DENND1B: variants seen among roughly 807,000 people sequenced by gnomAD.
DENND1B encodes DENN domain-containing protein 1B.
A neutral mutation model predicts 90.1 loss-of-function variants in DENND1B; 59 were observed. The observed-to-expected ratio is 0.65, with a 90% CI of 0.53 to 0.81. The LOEUF (loss-of-function observed/expected upper bound fraction) is 0.81, where lower values mean the gene tolerates loss of function less well. DENND1B is among the 40% of genes least tolerant of loss of function. The pLI is 0.00. For missense variants in DENND1B, 862 were observed against 912.6 expected (o/e 0.94, Z 0.71); for synonymous variants, 337 against 324.6 (o/e 1.04, Z -0.41).
chr1:197,559,797 A>G (rs1672014608), intron 15 of DENND1B, among the ~76,000 whole-genome samples: 2 of 151,962 alleles, frequency 1.3e-5, no homozygotes, highest in South Asian at 4.1e-4. Context: ...ACTACACTGA[A>G]GTGTTACAAT....
chr1:197,634,527 A>C (rs760658947), intron 10 of DENND1B, among the ~76,000 whole-genome samples: 5 of 152,244 alleles, frequency 3.3e-5, no homozygotes, highest in African/African-American at 4.8e-5. Context: ...TATAGGCTGA[A>C]CAAGAGTCAT....
At chr1:197,607,448 G>C (rs1278935606) in intron 12 of DENND1B, among the ~76,000 whole-genome samples, 1 of 150,754 alleles carries the variant, frequency 6.6e-6, no homozygotes, top group African/African-American at 2.4e-5. Context: ...AATAGGCACA[G>C]TTATATCAAA....
chr1:197,648,978 C>G (rs1292865348), intron 7 of DENND1B, among the ~76,000 whole-genome samples: 1 of 152,168 alleles, frequency 6.6e-6, no homozygotes, highest in Non-Finnish European at 1.5e-5. Flanking sequence ...TCCACTTTGA[C>G]AGTGTGCAAC....
At chr1:197,625,022 A>C (rs1254074121) in intron 10 of DENND1B, among the ~76,000 whole-genome samples, 1 of 152,054 alleles carries the variant, frequency 6.6e-6, no homozygotes, top group Non-Finnish European at 1.5e-5. Context: ...CTATGTGAAA[A>C]GACCAAATCT....
intron 15 of DENND1B, among the ~76,000 whole-genome samples, chr1:197,568,781 GC>G (rs1231513194): frequency 6.6e-6 from 1 of 151,930 alleles, no homozygotes; most frequent in Non-Finnish European, 1.5e-5. Flanking sequence ...ATAAAATAGG[GC>G]ACTTATCTCA....
intron 15 of DENND1B, among the ~76,000 whole-genome samples, chr1:197,572,029 C>T (rs1168319225): frequency 2.6e-5 from 4 of 152,056 alleles, no homozygotes; most frequent in African/African-American, 4.8e-5. Context: ...TCTGCATTTC[C>T]GATTGAGGTA....
In DENND1B at chr1:197,534,690, G is replaced by T. The variant is rs946582806; in HGVS notation, c.1515+5274C>A. The stretch of plus-strand genomic sequence containing the variant: ...CAGTTTAATCTTTTTAAGGTTCTTT[G>T]TAAGATATTAAAGTATTTTTGGAAA... On this transcript the variant is annotated intron_variant, in intron 20 of 22. Coordinates refer to ENST00000620048, the MANE Select transcript of DENND1B (RefSeq NM_001195215.2). Among the ~76,000 whole-genome samples the T allele has an allele frequency of 5.3e-5, 8 of 152,172 alleles. 1 individual carries two copies. Among genetic ancestry groups the T allele is most frequent in the African/African-American group, 1.9e-4 (8 of 41,510 alleles).
chr1:197,654,098 AC>A (rs1653543295), intron 6 of DENND1B, among the ~76,000 whole-genome samples: 1 of 152,216 alleles, frequency 6.6e-6, no homozygotes, highest in African/African-American at 2.4e-5. Flanking sequence ...ACAAACACAT[AC>A]ACATAAACAA....
In DENND1B at chr1:197,508,973, A is replaced by C. The variant is rs1039335188; in HGVS notation, c.*1487T>G. The C allele has an allele frequency of 2.0e-5, 3 of 151,602 alleles. No homozygotes were observed. The highest frequency in any genetic ancestry group is 7.3e-5 in the African/African-American group (3 of 41,304). 9.4% of individuals were successfully genotyped at this position (151,602 alleles called of 1,614,324 possible). A position where few individuals can be genotyped will look rare whatever the true frequency, so the allele number is the denominator to read the frequency against. On this transcript the variant is annotated 3_prime_UTR_variant, in exon 23 of 23. Coordinates refer to ENST00000620048, the MANE Select transcript of DENND1B (RefSeq NM_001195215.2). ...TCTGCCCTAAAGAAGGGGAATTATG[A>C]CTCCTCACTCCTGCATGTAGTGACT...
At chr1:197,586,209 C>T (rs779398673) in intron 14 of DENND1B, among the ~76,000 whole-genome samples, 22 of 151,842 alleles carry the variant, frequency 1.4e-4, no homozygotes, top group Non-Finnish European at 2.8e-4. Context: ...AGACTGAATA[C>T]GGAATCAAAT....
intron 2 of DENND1B, among the ~76,000 whole-genome samples, chr1:197,731,658 A>C (rs1328609327): frequency 6.6e-6 from 1 of 152,196 alleles, no homozygotes; most frequent in Non-Finnish European, 1.5e-5. Context: ...TGGAAGAAGG[A>C]GAATCATCTC....
chr1:197,632,842 G>A (rs548916136), intron 10 of DENND1B, among the ~76,000 whole-genome samples: 3 of 152,044 alleles, frequency 2.0e-5, no homozygotes, highest in Non-Finnish European at 4.4e-5. Context: ...TTAATCTACT[G>A]GCTTGAGTGA....
At chr1:197,770,794 C>CTATAAATATATAAATATATATA (rs1656452143) in intron 2 of DENND1B, among the ~76,000 whole-genome samples, 2 of 121,332 alleles carry the variant, frequency 1.6e-5, no homozygotes, top group African/African-American at 6.6e-5. Flanking sequence ...AAATATATAT[C>CTATAAATATATAAATATATATA]TATAAATATA....
intron 2 of DENND1B, among the ~76,000 whole-genome samples, chr1:197,731,531 G>A (rs1174472480): frequency 6.6e-6 from 1 of 151,972 alleles, no homozygotes; most frequent in Non-Finnish European, 1.5e-5. Flanking sequence ...AAGCATTCAC[G>A]GCATGGTAGT....
At chr1:197,564,395 C>CAAA (rs71131780) in intron 15 of DENND1B, among the ~76,000 whole-genome samples, 6,321 of 62,842 alleles carry the variant, frequency 0.1, 783 homozygotes, top group Non-Finnish European at 0.11. Flanking sequence ...CCTCCACCAG[C>CAAA]AAAAAAAAAA....
chr1:197,677,504 T>C (rs897117134), intron 3 of DENND1B, among the ~76,000 whole-genome samples: 3 of 152,162 alleles, frequency 2.0e-5, no homozygotes, highest in Non-Finnish European at 2.9e-5. Context: ...TCCTTTTCCC[T>C]GACCCCCACA....
chr1:197,587,252 AC>A lies in DENND1B; in HGVS notation c.1048-4000del, dbSNP rs1474298537. ...TTTTTAAATGTTGTATTATTCATTC[AC>A]AGAAAAGTAAGTAAACATATGATTC... On this transcript the variant is annotated intron_variant, in intron 14 of 22. Coordinates refer to ENST00000620048, the MANE Select transcript of DENND1B (RefSeq NM_001195215.2). 4.6e-5 allele frequency among the ~76,000 whole-genome samples: 7 copies of A among 152,304 alleles called. No homozygotes were observed. In the East Asian group the frequency reaches 1.3e-3, roughly 29 times the overall value.
rs888370133 is a variant in DENND1B at position 197,505,685 on chromosome 1, A to G, written c.*4775T>C. On this transcript the variant is annotated 3_prime_UTR_variant, in exon 23 of 23. Coordinates refer to ENST00000620048, the MANE Select transcript of DENND1B (RefSeq NM_001195215.2). ...AAAGTAGAAATCTATAGAAGCTCTA[A>G]GATTAAACAAACTGTACATCATACA... The G allele has an allele frequency of 5.1e-5, 7 of 135,972 alleles. No homozygotes were observed. The highest frequency in any genetic ancestry group is 1.6e-4 in the African/African-American group (6 of 37,452). 8.4% of individuals were successfully genotyped at this position (135,972 alleles called of 1,614,324 possible). A position where few individuals can be genotyped will look rare whatever the true frequency, so the allele number is the denominator to read the frequency against.
At chr1:197,673,822 T>G (rs181710278) in intron 4 of DENND1B, among the ~76,000 whole-genome samples, 7 of 152,266 alleles carry the variant, frequency 4.6e-5, no homozygotes, top group Non-Finnish European at 8.8e-5. Context: ...TTAGTATTTT[T>G]TTCCACTAGT....
Sources: allele counts gnomAD v4.1 joint callset (sites outside exome capture counted in the v4.1 genomes callset), GRCh38; gene constraint gnomAD v4.1.1; transcripts MANE v1.5; gene names NCBI Gene and HGNC (gene_info 2026-07-23, HGNC 2026-07-21).